RORA: variants seen among roughly 807,000 people sequenced by gnomAD.
RORA encodes the protein RAR related orphan receptor A.
In RORA, 7 loss-of-function variants were observed where a neutral mutation model predicts 69.5. The observed-to-expected ratio is 0.10, with a 90% CI of 0.06 to 0.19. RORA has a LOEUF of 0.19. Among genes scored for constraint, RORA ranks in the 10% least tolerant of loss-of-function variants. The pLI is 1.00. For missense variants in RORA, 457 were observed against 663.0 expected, an observed-to-expected ratio of 0.69 and a Z score of 3.41; for synonymous variants, 261 against 240.8, an observed-to-expected ratio of 1.08 and a Z score of -0.78.
At chr15:60,984,467 A>C (rs978645084) in intron 1 of RORA, among the ~76,000 whole-genome samples, 25 of 151,660 alleles carry the variant, frequency 1.6e-4, no homozygotes, top group African/African-American at 5.8e-4. Context: ...TACTACTGAC[A>C]GTTACCTACT....
intron 1 of RORA, among the ~76,000 whole-genome samples, chr15:60,857,463 A>G (rs2073392959): frequency 6.6e-6 from 1 of 152,124 alleles, no homozygotes; most frequent in South Asian, 2.1e-4. Flanking sequence ...ACAACATGCC[A>G]GGCTTTGGAA....
intron 1 of RORA, among the ~76,000 whole-genome samples, chr15:60,786,201 C>G (rs138596242): frequency 5.8e-4 from 88 of 152,316 alleles, no homozygotes; most frequent in African/African-American, 1.9e-3. Context: ...CAGGAGTGCT[C>G]TGGATAGGAT....
intron 1 of RORA, among the ~76,000 whole-genome samples, chr15:60,702,139 CACTT>C (rs1325198507): frequency 6.6e-6 from 1 of 152,176 alleles, no homozygotes; most frequent in East Asian, 1.9e-4. Context: ...TTGGGCAAGT[CACTT>C]ACCCTCTCAA....
chr15:60,942,946 C>A (rs139217061), intron 1 of RORA, among the ~76,000 whole-genome samples: 3 of 152,220 alleles, frequency 2.0e-5, no homozygotes, highest in Non-Finnish European at 4.4e-5. Flanking sequence ...TTGCAGCTCA[C>A]TGAAGGTCAA....
intron 1 of RORA, among the ~76,000 whole-genome samples, chr15:61,105,232 T>C (rs760648979): frequency 2.0e-5 from 3 of 152,288 alleles, no homozygotes; most frequent in Non-Finnish European, 4.4e-5. Flanking sequence ...GTTCCATACT[T>C]GGGTATTATA....
intron 1 of RORA, among the ~76,000 whole-genome samples, chr15:60,941,469 G>A (rs767086216): frequency 8.5e-5 from 13 of 152,364 alleles, no homozygotes; most frequent in South Asian, 2.1e-4. Context: ...AGAACCGGGT[G>A]AAGGGGCCTA....
rs77046473 is a variant in RORA at position 60,521,842 on chromosome 15, A to G, written c.283-7085T>C. ...ATATCCACCTTTTGTTTCAATTCCT[A>G]CTGTCTCAAAGACATCTCTCCAGTG... On this transcript the variant is annotated intron_variant, in intron 3 of 10. Coordinates refer to ENST00000335670, the MANE Select transcript of RORA (RefSeq NM_134261.3). 4.3e-3 allele frequency among the ~76,000 whole-genome samples: 652 copies of G among 152,202 alleles called. 5 individuals are homozygous for G. The highest frequency in any genetic ancestry group is 0.015 in the African/African-American group (604 of 41,524).
chr15:60,975,405 C>CAAGT (rs1052131134), intron 1 of RORA, among the ~76,000 whole-genome samples: 1 of 152,196 alleles, frequency 6.6e-6, no homozygotes, highest in Non-Finnish European at 1.5e-5. Flanking sequence ...CTGTCACTGT[C>CAAGT]AAGGCATCTT....
chr15:60,558,571 A>C (rs769090210), intron 2 of RORA, among the ~76,000 whole-genome samples: 8 of 152,208 alleles, frequency 5.3e-5, no homozygotes, highest in Non-Finnish European at 5.9e-5. Context: ...GATTCAGTAA[A>C]TGCTATCACT....
rs78472389 is a variant in RORA, at chr15:60,708,727, C to T, written c.167-30041G>A. On this transcript the variant is annotated intron_variant, in intron 1 of 10. Coordinates refer to ENST00000335670, the MANE Select transcript of RORA (RefSeq NM_134261.3). ...CCCCAACCCTGTTCCCAGGGTATAG[C>T]GGCAATAGAGCAGCTAAGTCTGTTT... Among the ~76,000 whole-genome samples, 27 of 152,244 alleles carry T rather than the reference C, an allele frequency of 1.8e-4. No individual in the cohort carries two copies. In the East Asian group the frequency reaches 4.4e-3, roughly 25 times the overall value.
At chr15:61,126,522 T>TA (rs1228152884) in intron 1 of RORA, among the ~76,000 whole-genome samples, 1 of 152,196 alleles carries the variant, frequency 6.6e-6, no homozygotes, top group Non-Finnish European at 1.5e-5. Flanking sequence ...CCTTGCTTTT[T>TA]AAAAAATGAC....
chr15:61,052,500 G>T lies in RORA; in HGVS notation c.166+176553C>A, dbSNP rs563683670. 3.9e-5 allele frequency among the ~76,000 whole-genome samples: 6 copies of T among 152,268 alleles called. No individual in the cohort carries two copies. The South Asian group carries it at 1.2e-3, about 32-fold the overall frequency. On this transcript the variant is annotated intron_variant, in intron 1 of 10. Coordinates refer to ENST00000335670, the MANE Select transcript of RORA (RefSeq NM_134261.3). ...AGTAAGCTATGGCTATGTGTTTTCC[G>T]TAAGAAAGGAAAACATCACTCCAGG... is the stretch of plus-strand genomic sequence containing the variant.
chr15:60,636,699 A>G (rs941453259), intron 2 of RORA, among the ~76,000 whole-genome samples: 1 of 152,224 alleles, frequency 6.6e-6, no homozygotes, highest in Non-Finnish European at 1.5e-5. Flanking sequence ...GAAAGAAGTT[A>G]AAAGAAGCCT....
intron 1 of RORA, among the ~76,000 whole-genome samples, chr15:60,998,317 C>G (rs961547809): frequency 6.6e-6 from 1 of 152,040 alleles, no homozygotes; most frequent in Non-Finnish European, 1.5e-5. Flanking sequence ...GCATGTAATA[C>G]CACACCTGGC....
intron 1 of RORA, among the ~76,000 whole-genome samples, chr15:60,771,680 C>A (rs1172997243): frequency 6.6e-6 from 1 of 152,196 alleles, no homozygotes; most frequent in Non-Finnish European, 1.5e-5. Flanking sequence ...TGAACTTCAT[C>A]ATATACCTCA....
At chr15:60,827,257 A>C (rs2072977254) in intron 1 of RORA, among the ~76,000 whole-genome samples, 1 of 152,212 alleles carries the variant, frequency 6.6e-6, no homozygotes, top group Non-Finnish European at 1.5e-5. Flanking sequence ...AAATACACAT[A>C]TATTACTTTT....
intron 2 of RORA, among the ~76,000 whole-genome samples, chr15:60,602,590 C>T (rs185022873): frequency 9.1e-4 from 138 of 152,280 alleles, no homozygotes; most frequent in Middle Eastern, 6.8e-3. Flanking sequence ...AGAGAGATCG[C>T]TGCTCAGTTT....
At chr15:60,606,341 T>C (rs2068944342) in intron 2 of RORA, among the ~76,000 whole-genome samples, 1 of 152,180 alleles carries the variant, frequency 6.6e-6, no homozygotes, top group Non-Finnish European at 1.5e-5. Context: ...AACAAAATAA[T>C]CCCATAGGAA....
rs148060246 is a variant in RORA at position 60,515,844 on chromosome 15, G to A, written c.283-1087C>T. Among the ~76,000 whole-genome samples the A allele has an allele frequency of 6.1e-3, 853 of 140,714 alleles. 37 individuals carry two copies. The South Asian group carries it at 0.076, about 13-fold the overall frequency. 92.3% of individuals were successfully genotyped at this position (140,714 alleles called of 152,430 possible). ...CTCAGCCTCCTGAGTAGCTGGGACTGTAGGTGCACACCACCATGCCTGGCT... is the reference window on the plus strand; with the variant it reads ...CTCAGCCTCCTGAGTAGCTGGGACTATAGGTGCACACCACCATGCCTGGCT... On this transcript the variant is annotated intron_variant, in intron 3 of 10. Transcript: ENST00000335670.
Sources: allele counts gnomAD v4.1 joint callset (sites outside exome capture counted in the v4.1 genomes callset), GRCh38; gene constraint gnomAD v4.1.1; transcripts MANE v1.5; gene names NCBI Gene and HGNC (gene_info 2026-07-23, HGNC 2026-07-21).